Variants in GULP1 observed in about 807,000 individuals in gnomAD.
The protein encoded by GULP1 is GULP PTB domain containing engulfment adaptor 1, also known as PTB domain-containing engulfment adapter protein 1.
In GULP1, 19 loss-of-function variants were observed where a neutral mutation model predicts 40.9. The observed-to-expected ratio is 0.46, with a 90% confidence interval of 0.32 to 0.68. The LOEUF (loss-of-function observed/expected upper bound fraction) is 0.68. Among genes scored for constraint, GULP1 ranks in the 30% least tolerant of loss-of-function variants. The probability of loss-of-function intolerance (pLI) is 0.03; values close to 1 mark genes in which losing one functional copy is unlikely to be tolerated. For missense variants in GULP1, 312 were observed against 362.2 expected (o/e 0.86, Z 1.12); for synonymous variants, 119 against 117.6 (o/e 1.01, Z -0.08).
intron 1 of GULP1, among the ~76,000 whole-genome samples, chr2:188,342,572 T>A (rs1009422972): frequency 2.6e-5 from 4 of 152,190 alleles, no homozygotes; most frequent in Non-Finnish European, 5.9e-5. Context: ...GGGACCACTA[T>A]TTTTAAACCA....
At chr2:188,507,491 G>A (rs1035753615) in intron 4 of GULP1, among the ~76,000 whole-genome samples, 1 of 148,472 alleles carries the variant, frequency 6.7e-6, no homozygotes, top group Non-Finnish European at 1.5e-5. Flanking sequence ...GCCCTGAAAT[G>A]AGATGGAATA....
intron 9 of GULP1, among the ~76,000 whole-genome samples, chr2:188,573,274 C>G (rs893628515): frequency 4.6e-5 from 7 of 152,200 alleles, no homozygotes; most frequent in East Asian, 1.9e-4. Flanking sequence ...CACTTAAGTA[C>G]AGCTTATTTA....
intron 1 of GULP1, among the ~76,000 whole-genome samples, chr2:188,355,768 T>A (rs1369353619): frequency 6.6e-6 from 1 of 151,912 alleles, no homozygotes; most frequent in African/African-American, 2.4e-5. Context: ...GATGCAAAAA[T>A]GGCTTATAAA....
chr2:188,342,068 C>T (rs2043045292), intron 1 of GULP1, among the ~76,000 whole-genome samples: 1 of 152,210 alleles, frequency 6.6e-6, no homozygotes, highest in Non-Finnish European at 1.5e-5. Context: ...GTAGAAAGAA[C>T]ATAAACAAAA....
chr2:188,535,708 G>A (rs1199682772), intron 6 of GULP1, among the ~76,000 whole-genome samples: 2 of 151,936 alleles, frequency 1.3e-5, no homozygotes, highest in Non-Finnish European at 2.9e-5. Flanking sequence ...TGTCAAGTAT[G>A]TATACCCAGT....
At chr2:188,531,763 A>G (rs115071255) in intron 6 of GULP1, among the ~76,000 whole-genome samples, 1 of 152,236 alleles carries the variant, frequency 6.6e-6, no homozygotes, top group Non-Finnish European at 1.5e-5. Flanking sequence ...ATAAAGAACA[A>G]TAGACCAAGG....
intron 10 of GULP1, among the ~76,000 whole-genome samples, chr2:188,584,904 T>G (rs188408895): frequency 6.6e-6 from 1 of 152,304 alleles, no homozygotes; most frequent in African/African-American, 2.4e-5. Flanking sequence ...TTCTGTTTTA[T>G]CTTTTATATA....
chr2:188,293,959 T>G (rs1009344499), intron 1 of GULP1: 1 of 152,154 alleles, frequency 6.6e-6, no homozygotes, highest in Non-Finnish European at 1.5e-5. Context: ...ATCAGTCTTC[T>G]TGGCAAAAAA....
At chr2:188,560,037 T>C (rs1286792324) in intron 7 of GULP1, among the ~76,000 whole-genome samples, 1 of 152,194 alleles carries the variant, frequency 6.6e-6, no homozygotes, top group Non-Finnish European at 1.5e-5. Context: ...CCTCTTTTTC[T>C]TCCCAGTCTT....
chr2:188,451,318 C>CT (rs1358534972), intron 2 of GULP1, among the ~76,000 whole-genome samples: 9 of 151,988 alleles, frequency 5.9e-5, no homozygotes, highest in African/African-American at 2.2e-4. Flanking sequence ...TGAGCTTGGG[C>CT]TGTATGTTGC....
chr2:188,468,835 G>C (rs1419330045), intron 2 of GULP1, among the ~76,000 whole-genome samples: 1 of 152,072 alleles, frequency 6.6e-6, no homozygotes, highest in East Asian at 1.9e-4. Context: ...CGAGGGGAGG[G>C]GGGCAATTGC....
intron 2 of GULP1, among the ~76,000 whole-genome samples, chr2:188,428,794 C>T (rs1444403189): frequency 6.6e-6 from 1 of 151,954 alleles, no homozygotes; most frequent in East Asian, 1.9e-4. Context: ...TGTCTAATGA[C>T]TACATTCAGA....
chr2:188,335,832 T>C (rs1468322923), intron 1 of GULP1, among the ~76,000 whole-genome samples: 1 of 152,216 alleles, frequency 6.6e-6, no homozygotes, highest in Non-Finnish European at 1.5e-5. Context: ...TCAACTTGTA[T>C]GTAACACATG....
chr2:188,487,482 C>T (rs956447717), intron 4 of GULP1, among the ~76,000 whole-genome samples: 2 of 151,874 alleles, frequency 1.3e-5, no homozygotes, highest in Non-Finnish European at 2.9e-5. Flanking sequence ...AATAGTAACA[C>T]GGACCTTCAC....
chr2:188,333,685 A>C (rs2041913987), intron 1 of GULP1, among the ~76,000 whole-genome samples: 1 of 152,188 alleles, frequency 6.6e-6, no homozygotes, highest in Non-Finnish European at 1.5e-5. Flanking sequence ...AATTTAGAAG[A>C]CATGTAATTT....
At chr2:188,330,351 C>A (rs2041396547) in intron 1 of GULP1, among the ~76,000 whole-genome samples, 1 of 152,036 alleles carries the variant, frequency 6.6e-6, no homozygotes. Context: ...GTATGTATAA[C>A]ACAAGAACTA....
intron 2 of GULP1, among the ~76,000 whole-genome samples, chr2:188,412,661 T>A (rs1317466368): frequency 6.6e-6 from 1 of 152,202 alleles, no homozygotes; most frequent in African/African-American, 2.4e-5. Context: ...TCCACTTCCC[T>A]TGAGAGCACT....
chr2:188,538,612 T>G (rs1291807018), intron 6 of GULP1, among the ~76,000 whole-genome samples: 1 of 151,882 alleles, frequency 6.6e-6, no homozygotes, highest in Non-Finnish European at 1.5e-5. Context: ...AAAAAGGGAT[T>G]AAAAAGCTCT....
intron 11 of GULP1, chr2:188,589,768 A>G: frequency 1.5e-6 from 2 of 1,315,170 alleles, no homozygotes; most frequent in Middle Eastern, 2.1e-4. Flanking sequence ...TATTATTTTT[A>G]TAATAATTTT....
Sources: gnomAD v4.1 joint callset for allele counts (sites outside exome capture counted in the v4.1 genomes callset) on GRCh38, gnomAD v4.1.1 for gene constraint, MANE v1.5 for transcripts, NCBI Gene and HGNC (gene_info 2026-07-23, HGNC 2026-07-21) for gene names.